The following PARP4 variants were observed in gnomAD, a reference collection of about 807,000 sequenced individuals.
PARP4 encodes the protein protein mono-ADP-ribosyltransferase PARP4.
A neutral mutation model predicts 187.7 loss-of-function variants in PARP4; 120 were observed. The observed-to-expected ratio is 0.64, with a 90% confidence interval of 0.55 to 0.74. PARP4 has a LOEUF of 0.74. PARP4 is among the 30% of genes least tolerant of loss of function. PARP4 has a pLI of 0.00. For missense variants in PARP4, 1,836 were observed against 2,070.5 expected (o/e 0.89, Z 2.20); for synonymous variants, 654 against 740.9 (o/e 0.88, Z 1.90).
chr13:24,452,360 A>C, intron 24 of PARP4, 46 bp downstream of exon 24: 1 of 1,485,220 alleles, frequency 6.7e-7, no homozygotes, highest in Non-Finnish European at 9.2e-7. Context: ...CAACAAGACG[A>C]CCTCCCCGTG....
chr13:24,424,081 T>G (rs1020752611), intron 33 of PARP4, among the ~76,000 whole-genome samples: 2 of 152,154 alleles, frequency 1.3e-5, no homozygotes, highest in African/African-American at 4.8e-5. Context: ...CGTCTCAGCC[T>G]CCTAAAGTGC....
intron 27 of PARP4, among the ~76,000 whole-genome samples, chr13:24,446,192 G>C (rs1175469890): frequency 6.6e-6 from 1 of 152,150 alleles, no homozygotes; most frequent in Non-Finnish European, 1.5e-5. Flanking sequence ...AACCTCTCTA[G>C]CAAAATTTCC....
At chr13:24,495,390 G>A (rs1254595577) in intron 6 of PARP4, among the ~76,000 whole-genome samples, 1 of 152,146 alleles carries the variant, frequency 6.6e-6, no homozygotes, top group East Asian at 1.9e-4. Context: ...TGGAGGGGAA[G>A]GGGAAGAAAA....
Position 24,435,084 on chromosome 13 carries a change from C to G in PARP4, c.4057G>C (p.Ala1353Pro), listed in dbSNP as rs1052223221. The G allele has an allele frequency of 1.9e-6, 3 of 1,614,022 alleles. No homozygotes were observed. Among genetic ancestry groups the G allele is most frequent in the Non-Finnish European group, 2.5e-6 (3 of 1,180,036 alleles). ...SYRQVASFGSAAPPRQFDASQ... is the reference protein window; with the variant it reads ...SYRQVASFGSPAPPRQFDASQ... ...GCATCAAACTGTCTGGGAGGAGCAG[C>G]TGAACCGAAACTAGCTACCTGACGA... Residue 1353 changes from alanine to proline, a missense_variant, in exon 31 of 34, where the codon GCT (alanine) becomes CCT (proline). Ala to Pro is a conservative substitution (Grantham distance 27, BLOSUM62 -1). This residue lies in a region of PARP4 where 450 missense variants were observed against 439.2 expected (regional missense o/e 1.02). Coordinates refer to ENST00000381989, the MANE Select transcript of PARP4 (RefSeq NM_006437.4).
At chr13:24,483,079 G>A (rs1022414412) in intron 12 of PARP4, among the ~76,000 whole-genome samples, 1 of 151,652 alleles carries the variant, frequency 6.6e-6, no homozygotes, top group African/African-American at 2.4e-5. Flanking sequence ...GGATGTAGTG[G>A]TTCAGTCATA....
At chr13:24,497,703 G>A (rs1213261575) in intron 6 of PARP4, among the ~76,000 whole-genome samples, 1 of 152,180 alleles carries the variant, frequency 6.6e-6, no homozygotes, top group Non-Finnish European at 1.5e-5. Flanking sequence ...TCAACAACGG[G>A]ATTGTGTTTG....
At chr13:24,440,574 C>T (rs990969171) in intron 30 of PARP4, among the ~76,000 whole-genome samples, 14 of 152,054 alleles carry the variant, frequency 9.2e-5, no homozygotes, top group Non-Finnish European at 2.1e-4. Flanking sequence ...AGGAGCTAGA[C>T]GTGTTGGAAT....
At chr13:24,498,624 G>A (rs1869092935) in intron 5 of PARP4, among the ~76,000 whole-genome samples, 2 of 152,066 alleles carry the variant, frequency 1.3e-5, no homozygotes, top group South Asian at 4.1e-4. Context: ...GACAGGTCTT[G>A]CCACATTGCC....
chr13:24,464,281 G>A (rs1174223497), intron 17 of PARP4, among the ~76,000 whole-genome samples: 1 of 152,076 alleles, frequency 6.6e-6, no homozygotes, highest in African/African-American at 2.4e-5. Context: ...ATTCTTCACA[G>A]AATTAGAAAA....
chr13:24,469,887 G>A lies in PARP4; in HGVS notation c.2046+7C>T, dbSNP rs756946222. 1.9e-5 allele frequency: 30 copies of A among 1,611,590 alleles called. No homozygotes were observed. The South Asian group carries it at 3.0e-4, about 16-fold the overall frequency. ...GAGAGCGGGCACGATGCATCTTCTT[G>A]CCTTACCTCTCCAACTATGTGCTTC... On this transcript the variant is annotated splice_region_variant and intron_variant, in intron 16 of 33. Transcript: ENST00000381989.
chr13:24,437,702 G>C (rs1204529440), intron 30 of PARP4, among the ~76,000 whole-genome samples: 1 of 152,086 alleles, frequency 6.6e-6, no homozygotes, highest in African/African-American at 2.4e-5. Context: ...AATTGATTAA[G>C]TCAGGTATTG....
rs372025840 is a variant in PARP4 at position 24,435,419 on chromosome 13, C to T, written c.3722G>A (p.Arg1241Lys). 122 of 1,610,956 alleles carry T rather than the reference C, an allele frequency of 7.6e-5. No homozygotes were observed. Among genetic ancestry groups the T allele is most frequent in the Non-Finnish European group, 8.3e-5 (98 of 1,179,616 alleles). The change falls in exon 31 of 34, where the codon AGG becomes AAG. Residue 1241 changes from arginine (R) to lysine (K), a missense_variant. Transcript: ENST00000381989. ...TTTTCTTTTGGAAAATGGAATTTTC[C>T]TATGTTTTCGTTTGGATAAACGTAA... Reference protein sequence around the residue: ...PELRLSKRKHRKIPFSKRKME... With the variant: ...PELRLSKRKHKKIPFSKRKME...
Position 24,466,796 on chromosome 13 carries a change from C to CAAAAAAAAAAA in PARP4, c.2133+2217_2133+2227dup, listed in dbSNP as rs34197201. ...CCTGGGCAACAGTGAGACTCTGTCTCAAAAAAAAAAAAAAAAAGATAAAAT... is the reference window on the plus strand; with the variant it reads ...CCTGGGCAACAGTGAGACTCTGTCTCAAAAAAAAAAAAAAAAAAAAAAAAAAAAGATAAAAT... On this transcript the variant is annotated intron_variant, in intron 17 of 33. Transcript: ENST00000381989. Among the ~76,000 whole-genome samples the CAAAAAAAAAAA allele has an allele frequency of 2.7e-3, 242 of 90,728 alleles. 2 individuals carry two copies. Among genetic ancestry groups the CAAAAAAAAAAA allele is most frequent in the African/African-American group, 8.3e-3 (178 of 21,456 alleles). 59.5% of individuals were successfully genotyped at this position (90,728 alleles called of 152,430 possible). A position where few individuals can be genotyped will look rare whatever the true frequency, so the allele number is the denominator to read the frequency against.
intron 10 of PARP4, among the ~76,000 whole-genome samples, chr13:24,490,251 G>A (rs1408312732): frequency 6.7e-6 from 1 of 149,946 alleles, no homozygotes; most frequent in African/African-American, 2.4e-5. Flanking sequence ...GGGCCCAAGT[G>A]TAACTGGTAT....
chr13:24,466,786 G>A (rs1324960764), intron 17 of PARP4, among the ~76,000 whole-genome samples: 2 of 103,940 alleles, frequency 1.9e-5, no homozygotes, highest in African/African-American at 3.9e-5. Flanking sequence ...GCAACAGTGA[G>A]ACTCTGTCTC....
chr13:24,424,838 ATTTTT>A, intron 33 of PARP4, among the ~76,000 whole-genome samples: 1 of 146,196 alleles, frequency 6.8e-6, no homozygotes, highest in East Asian at 2.0e-4. Context: ...CACCTGGCGA[ATTTTT>A]TTTTTTTTTT....
intron 1 of PARP4, among the ~76,000 whole-genome samples, chr13:24,504,404 C>T (rs1431777359): frequency 5.4e-5 from 8 of 147,790 alleles, no homozygotes; most frequent in African/African-American, 2.0e-4. Context: ...ACCTCCGCCT[C>T]CCTGGTTCAA....
intron 30 of PARP4, among the ~76,000 whole-genome samples, chr13:24,438,273 T>G (rs1453174275): frequency 6.6e-6 from 1 of 152,146 alleles, no homozygotes; most frequent in Non-Finnish European, 1.5e-5. Context: ...TTCCACATGT[T>G]CCATATGCAC....
chr13:24,498,734 T>G (rs191715442), intron 5 of PARP4, among the ~76,000 whole-genome samples: 319 of 147,178 alleles, frequency 2.2e-3, no homozygotes, highest in African/African-American at 7.4e-3. Flanking sequence ...ACACTAGTGT[T>G]GATTTTCATT....
Sources: allele counts gnomAD v4.1 joint callset (sites outside exome capture counted in the v4.1 genomes callset), GRCh38; gene constraint gnomAD v4.1.1; regional missense constraint gnomAD v4.1.1; transcripts MANE v1.5; gene names NCBI Gene and HGNC (gene_info 2026-07-23, HGNC 2026-07-21).